GSDMA: variants seen among roughly 807,000 people sequenced by gnomAD.
The protein encoded by GSDMA is gasdermin-A.
GSDMA carries 55 observed loss-of-function variants against 54.3 expected under a neutral mutation model. The observed-to-expected ratio is 1.01, with a 90% confidence interval of 0.82 to 1.27. GSDMA has a LOEUF of 1.27. Ranked by LOEUF, GSDMA falls within the 50% of genes most tolerant of loss-of-function variation. GSDMA has a pLI of 0.00. For synonymous variants in GSDMA, 211 were observed against 224.7 expected (o/e 0.94, Z 0.54); for missense variants, 542 against 542.6 (o/e 1.00, Z 0.01).
Position 39,966,237 on chromosome 17 carries a change from CTT to C in GSDMA, c.215-20_215-19del, listed in dbSNP as rs758394825. On this transcript the variant is annotated intron_variant, in intron 2 of 11. Transcript: ENST00000301659. ...TTACTGCACCCAGCCAGCCCAGCCC[CTT>C]TTGTCTTTTCCCTCCTGCAGACCCA... 14 of 1,613,384 alleles carry C rather than the reference CTT, an allele frequency of 8.7e-6. No homozygotes were observed. In the Admixed American group the frequency reaches 1.0e-4, roughly 12 times the overall value.
chr17:39,965,608 G>T (rs1396946614), intron 1 of GSDMA, 75 bp from the exon 2 acceptor site: 1 of 1,089,174 alleles, frequency 9.2e-7, no homozygotes. Flanking sequence ...CTCTGCAGGG[G>T]CCCAGCCTAT....
At position 39,972,597 on chromosome 17, in the gene GSDMA, AGAG is replaced by A. The variant is rs769702971; in HGVS notation, c.718_720del (p.Glu240del). ...TTTTTCTGTCTTCAGAAAAGTCAGG[AGAG>A]GAGAAGGTCATCCGTAAGTGTTTCC... On this transcript the variant is annotated inframe_deletion, in exon 7 of 12. Transcript: ENST00000301659. 1.2e-6 allele frequency: 2 copies of A among 1,613,102 alleles called. No individual in the cohort carries two copies. Among genetic ancestry groups the A allele is most frequent in the Non-Finnish European group, 1.7e-6 (2 of 1,179,480 alleles).
At chr17:39,973,739 C>T (rs1376811602) in intron 7 of GSDMA, 71 bp from the exon 8 acceptor site, 1 of 1,313,032 alleles carries the variant, frequency 7.6e-7, no homozygotes. Context: ...TCCTTAGTGT[C>T]TCAACCCCTG....
chr17:39,968,570 A>G (rs1198430257), intron 3 of GSDMA, among the ~76,000 whole-genome samples: 1 of 149,924 alleles, frequency 6.7e-6, no homozygotes, highest in Non-Finnish European at 1.5e-5. Flanking sequence ...CTGGTCTCGA[A>G]CTCCTGACCT....
intron 1 of GSDMA, among the ~76,000 whole-genome samples, chr17:39,964,164 G>C (rs1979530200): frequency 6.6e-6 from 1 of 152,180 alleles, no homozygotes; most frequent in Non-Finnish European, 1.5e-5. Flanking sequence ...AGGACTGAGG[G>C]AAGAGGTTCC....
intron 3 of GSDMA, among the ~76,000 whole-genome samples, chr17:39,966,822 A>G (rs917073448): frequency 6.6e-6 from 1 of 152,204 alleles, no homozygotes; most frequent in Non-Finnish European, 1.5e-5. Flanking sequence ...GCAATACACT[A>G]GAAAAAGGAG....
intron 2 of GSDMA, 47 bp downstream of exon 2, chr17:39,965,948 G>T (rs1207072630): frequency 2.0e-6 from 3 of 1,504,454 alleles, no homozygotes; most frequent in Non-Finnish European, 1.8e-6. Context: ...GAGGGACAGG[G>T]GCTGGGCACC....
At chr17:39,974,145 A>G in intron 8 of GSDMA, 128 bp from the exon 9 acceptor site, 1 of 1,007,656 alleles carries the variant, frequency 9.9e-7, no homozygotes, top group South Asian at 1.7e-5. Context: ...AAATGGGGCC[A>G]GGCTCAAACT....
rs770489930 is a variant in GSDMA at position 39,976,953 on chromosome 17, G to A, written c.1233G>A (p.Val411=). The part of the protein sequence containing the change: ...EALVGLSGLE[V]QRSGPQYMWD... ...TAGTCGGGCTGAGTGGCCTGGAAGT[G>A]CAGAGATCGGGCCCCCAATATATGT... is the stretch of plus-strand genomic sequence containing the variant. The change falls in exon 12 of 12, where the codon GTG becomes GTA. Residue 411 remains valine, a synonymous_variant. Coordinates refer to ENST00000301659, the MANE Select transcript of GSDMA (RefSeq NM_178171.5). 4 of 1,613,864 alleles carry A rather than the reference G, an allele frequency of 2.5e-6. No individual in the cohort carries two copies. The highest frequency in any genetic ancestry group is 3.4e-6 in the Non-Finnish European group (4 of 1,179,908).
intron 10 of GSDMA, 63 bp from the exon 11 acceptor site, chr17:39,975,861 A>C: frequency 8.2e-7 from 1 of 1,214,092 alleles, no homozygotes; most frequent in Non-Finnish European, 1.2e-6. Flanking sequence ...GAAGTGCGCT[A>C]TTTGGAGGCT....
At chr17:39,963,157 G>A (rs1336865162) in intron 1 of GSDMA, 72 bp downstream of exon 1, 1 of 152,636 alleles carries the variant, frequency 6.6e-6, no homozygotes, top group Non-Finnish European at 1.5e-5. Flanking sequence ...ACCAAGAAGG[G>A]AATGGAACTC....
At chr17:39,969,042 G>T (rs1227712786) in intron 3 of GSDMA, among the ~76,000 whole-genome samples, 1 of 152,084 alleles carries the variant, frequency 6.6e-6, no homozygotes, top group Non-Finnish European at 1.5e-5. Context: ...TACACACAAG[G>T]TAATCAGCAC....
At chr17:39,975,855 T>G in intron 10 of GSDMA, 69 bp from the exon 11 acceptor site, 2 of 1,123,744 alleles carry the variant, frequency 1.8e-6, no homozygotes, top group South Asian at 2.8e-5. Flanking sequence ...ATTCTGGAAG[T>G]GCGCTATTTG....
intron 9 of GSDMA, 135 bp downstream of exon 9, chr17:39,974,562 T>A: frequency 1.0e-6 from 1 of 958,790 alleles, no homozygotes; most frequent in Non-Finnish European, 1.5e-6. Flanking sequence ...CCACCTTAGA[T>A]ACCTTCCCCA....
At chr17:39,971,327 G>A (rs1444208762) in intron 4 of GSDMA, among the ~76,000 whole-genome samples, 197 bp from the exon 5 acceptor site, 5 of 152,082 alleles carry the variant, frequency 3.3e-5, no homozygotes, top group Admixed American at 1.3e-4. Context: ...GTCACTAGAG[G>A]GAAAATCAGC....
intron 6 of GSDMA, 97 bp downstream of exon 6, chr17:39,972,273 C>T (rs1979988799): frequency 3.6e-6 from 3 of 842,826 alleles, no homozygotes; most frequent in South Asian, 1.5e-5. Flanking sequence ...TACTATAATC[C>T]CCCAAGGAGC....
At chr17:39,969,397 T>C (rs1979827912) in intron 3 of GSDMA, among the ~76,000 whole-genome samples, 1 of 150,192 alleles carries the variant, frequency 6.7e-6, no homozygotes, top group Non-Finnish European at 1.5e-5. Context: ...TGGGGAGCTT[T>C]TAGAGGGAGT....
rs115715392 is a variant in GSDMA, at chr17:39,965,065, A to G, written c.-5-618A>G. On this transcript the variant is annotated intron_variant, in intron 1 of 11. Coordinates refer to ENST00000301659, the MANE Select transcript of GSDMA (RefSeq NM_178171.5). ...AGCCTTGGCGGTCAAGGCTGCAGTG[A>G]GCTGTGATCACGCCACTGCACTCCA... Among the ~76,000 whole-genome samples, 1,139 of 152,056 alleles carry G rather than the reference A, an allele frequency of 7.5e-3. 21 individuals are homozygous for G. Among genetic ancestry groups the G allele is most frequent in the African/African-American group, 0.025 (1,054 of 41,450 alleles).
chr17:39,973,795 TC>T lies in GSDMA; in HGVS notation c.731-13del. 1 of 1,607,826 alleles carries T rather than the reference TC, an allele frequency of 6.2e-7. No individual in the cohort carries two copies. Among genetic ancestry groups the T allele is most frequent in the Admixed American group, 1.7e-5 (1 of 59,266 alleles). On this transcript the variant is annotated splice_polypyrimidine_tract_variant and intron_variant, in intron 7 of 11. Coordinates refer to ENST00000301659, the MANE Select transcript of GSDMA (RefSeq NM_178171.5). Reference sequence around the variant, plus strand: ...GGATTGCATTCTTATCTTTTTTTTTTCCTTTTTTTCTCAGTTATCCAGGCAT... The same window carrying T: ...GGATTGCATTCTTATCTTTTTTTTTTCTTTTTTTCTCAGTTATCCAGGCAT...
Sources: gnomAD v4.1 joint callset for allele counts (sites outside exome capture counted in the v4.1 genomes callset) on GRCh38, gnomAD v4.1.1 for gene constraint, MANE v1.5 for transcripts, NCBI Gene and HGNC (gene_info 2026-07-23, HGNC 2026-07-21) for gene names.